STRN: variants seen among roughly 807,000 people sequenced by gnomAD.
The protein encoded by STRN is protein phosphatase 2 regulatory subunit B'''alpha.
Under a neutral mutation model 96.3 loss-of-function variants are expected in STRN, and 53 were observed. The observed-to-expected ratio is 0.55, with a 90% CI of 0.44 to 0.69. The LOEUF is 0.69. STRN is among the 30% of genes least tolerant of loss of function. The probability of loss-of-function intolerance (pLI) is 0.00; values close to 1 mark genes in which losing one functional copy is unlikely to be tolerated. For missense variants in STRN, 987 were observed against 963.9 expected (o/e 1.02, Z -0.32); for synonymous variants, 428 against 355.9 (o/e 1.20, Z -2.28).
intron 1 of STRN, among the ~76,000 whole-genome samples, chr2:36,945,317 A>G (rs1356566253): frequency 6.6e-6 from 1 of 152,186 alleles, no homozygotes; most frequent in Non-Finnish European, 1.5e-5. Context: ...GGAGAACTTA[A>G]TTCTCTGTAC....
At chr2:36,891,404 T>C (rs1003424212) in intron 7 of STRN, among the ~76,000 whole-genome samples, 3 of 152,126 alleles carry the variant, frequency 2.0e-5, no homozygotes, top group Non-Finnish European at 2.9e-5. Context: ...CAGGCGCCTG[T>C]AATCCCAGCT....
chr2:36,961,235 T>C (rs1665023880), intron 1 of STRN, among the ~76,000 whole-genome samples: 1 of 143,112 alleles, frequency 7.0e-6, no homozygotes, highest in Admixed American at 7.3e-5. Flanking sequence ...CAAGCAATCC[T>C]CCCACCTCAG....
chr2:36,869,775 T>C lies in STRN; in HGVS notation c.1324-46A>G, dbSNP rs145385488. ...AGATATCTACACACTTAGTTAAGGA[T>C]AGGGGAAAAAACTTGCATTTCAACA... On this transcript the variant is annotated intron_variant, in intron 10 of 17. Coordinates refer to ENST00000263918, the MANE Select transcript of STRN (RefSeq NM_003162.4). 1.2e-3 allele frequency: 1,624 copies of C among 1,409,954 alleles called. 13 individuals are homozygous for C. In the African/African-American group the frequency reaches 0.019, roughly 16 times the overall value. 87.3% of individuals were successfully genotyped at this position (1,409,954 alleles called of 1,614,324 possible). A position where few individuals can be genotyped will look rare whatever the true frequency, so the allele number is the denominator to read the frequency against.
chr2:36,843,158 C>G lies in STRN; in HGVS notation c.*6298G>C, dbSNP rs1362634576. On this transcript the variant is annotated 3_prime_UTR_variant, in exon 18 of 18. Coordinates refer to ENST00000263918, the MANE Select transcript of STRN (RefSeq NM_003162.4). ...AAAGATAAAAGAGGTGTTTCCAACA[C>G]TACTGAAAATGTGTGTACATACCAA... is the stretch of plus-strand genomic sequence containing the variant. 6.6e-6 allele frequency among the ~76,000 whole-genome samples: 1 copy of G among 152,142 alleles called. No individual in the cohort carries two copies. Among genetic ancestry groups the G allele is most frequent in the Non-Finnish European group, 1.5e-5 (1 of 68,030 alleles).
intron 1 of STRN, among the ~76,000 whole-genome samples, chr2:36,935,005 G>A (rs1670667490): frequency 6.6e-6 from 1 of 152,188 alleles, no homozygotes. Flanking sequence ...TTGAATTTGG[G>A]AGGCAGAGGT....
In STRN at chr2:36,862,724, T is replaced by C. The variant is rs948736914; in HGVS notation, c.1548-1471A>G. 4.0e-5 allele frequency among the ~76,000 whole-genome samples: 6 copies of C among 151,614 alleles called. No individual in the cohort carries two copies. In the East Asian group the frequency reaches 1.2e-3, roughly 29 times the overall value. ...TTCACGTCCTTTGCCCACTTTTTAA[T>C]GGGGTTGTTTTTATTCTTTTTTTTT... On this transcript the variant is annotated intron_variant, in intron 12 of 17. Transcript: ENST00000263918.
chr2:36,859,732 G>C (rs1668430348), intron 13 of STRN, among the ~76,000 whole-genome samples: 1 of 152,104 alleles, frequency 6.6e-6, no homozygotes, highest in South Asian at 2.1e-4. Context: ...GAAGGACAGG[G>C]AACAGAAATT....
chr2:36,893,149 T>C (rs1473607598), intron 7 of STRN, among the ~76,000 whole-genome samples: 1 of 152,086 alleles, frequency 6.6e-6, no homozygotes, highest in Non-Finnish European at 1.5e-5. Context: ...AGCATAAACA[T>C]AGCAGATCCT....
intron 7 of STRN, among the ~76,000 whole-genome samples, chr2:36,888,768 C>T (rs974777167): frequency 1.6e-4 from 25 of 152,104 alleles, no homozygotes; most frequent in African/African-American, 5.5e-4. Flanking sequence ...GCAGCCTTGA[C>T]CTCCTGGGCT....
In STRN at chr2:36,966,344, C is replaced by T. The variant is rs1183387253; in HGVS notation, c.120G>A (p.Ala40=). 4.0e-6 allele frequency: 6 copies of T among 1,483,350 alleles called. No homozygotes were observed. The highest frequency in any genetic ancestry group is 4.5e-6 in the Non-Finnish European group (5 of 1,118,586). The allele number at this position is 1,483,350 out of a possible 1,614,324, so 91.9% of individuals were successfully genotyped here. A position where few individuals can be genotyped will look rare whatever the true frequency, so the allele number is the denominator to read the frequency against. ...GACTGTACTGGGCTCGGGCCGCCCCCGCCGCAGCCGCCCCGTCGCCGGCCG... is the reference window on the plus strand; with the variant it reads ...GACTGTACTGGGCTCGGGCCGCCCCTGCCGCAGCCGCCCCGTCGCCGGCCG... The part of the protein sequence containing the change: ...AAAAGDGAAA[A]GAARAQYSLP... Residue 40 remains alanine, a synonymous_variant, in exon 1 of 18, where the codon GCG becomes GCA. Coordinates refer to ENST00000263918, the MANE Select transcript of STRN (RefSeq NM_003162.4).
At chr2:36,960,714 G>C (rs1220144268) in intron 1 of STRN, among the ~76,000 whole-genome samples, 1 of 152,030 alleles carries the variant, frequency 6.6e-6, no homozygotes, top group Non-Finnish European at 1.5e-5. Flanking sequence ...TTTAAAGCAA[G>C]AATTTTAAAC....
chr2:36,906,991 C>T (rs1291373231), intron 3 of STRN, among the ~76,000 whole-genome samples: 2 of 151,986 alleles, frequency 1.3e-5, no homozygotes, highest in Non-Finnish European at 2.9e-5. Flanking sequence ...ATGAAAACCT[C>T]CTAAGCATTT....
chr2:36,939,340 T>TCATA (rs780493477), intron 1 of STRN, among the ~76,000 whole-genome samples: 7 of 152,166 alleles, frequency 4.6e-5, no homozygotes, highest in Non-Finnish European at 8.8e-5. Flanking sequence ...ACCTGATACA[T>TCATA]CATACACCAT....
intron 2 of STRN, among the ~76,000 whole-genome samples, chr2:36,923,169 G>A (rs1670306828): frequency 6.7e-6 from 1 of 149,886 alleles, no homozygotes; most frequent in African/African-American, 2.5e-5. Context: ...CAAATACTCG[G>A]CCAGGTACAT....
At position 36,884,060 on chromosome 2, in the gene STRN, T is replaced by C. The variant is rs749259750; in HGVS notation, c.1058A>G (p.Lys353Arg). The change falls in exon 9 of 18, where the codon AAA (lysine) becomes AGA (arginine). Residue 353 changes from lysine (K) to arginine (R), a missense_variant. By Grantham distance (26) the Lys-to-Arg change is conservative. Transcript: ENST00000263918. ...CAAATTAGCAAGCATATCTTGTAGTTTTGACCTATTGGGCCCTAGCCAAAA... is the reference window on the plus strand; with the variant it reads ...CAAATTAGCAAGCATATCTTGTAGTCTTGACCTATTGGGCCCTAGCCAAAA... ...KKGVKRPNRS[K>R]LQDMLANLRD... 7.3e-7 allele frequency: 1 copy of C among 1,373,880 alleles called. No individual in the cohort carries two copies. The allele number at this position is 1,373,880 out of a possible 1,614,324, so 85.1% of individuals were successfully genotyped here. A position where few individuals can be genotyped will look rare whatever the true frequency, so the allele number is the denominator to read the frequency against.
chr2:36,892,389 A>G (rs1669423809), intron 7 of STRN, among the ~76,000 whole-genome samples: 1 of 152,226 alleles, frequency 6.6e-6, no homozygotes, highest in African/African-American at 2.4e-5. Flanking sequence ...CCCAAGTAAC[A>G]AACCTGCAAA....
chr2:36,865,299 T>C (rs1668592952), intron 12 of STRN, among the ~76,000 whole-genome samples: 1 of 152,226 alleles, frequency 6.6e-6, no homozygotes, highest in African/African-American at 2.4e-5. Flanking sequence ...GGTTTTTGTA[T>C]TTCTGTGGGG....
intron 1 of STRN, among the ~76,000 whole-genome samples, chr2:36,937,673 T>TA (rs1670739973): frequency 7.1e-6 from 1 of 140,820 alleles, no homozygotes; most frequent in Admixed American, 7.2e-5. Flanking sequence ...AATCTTGCCT[T>TA]AAAAAAGAAA....
Position 36,916,171 on chromosome 2 carries a change from A to C in STRN, c.339-20T>G. On this transcript the variant is annotated intron_variant, in intron 2 of 17. Coordinates refer to ENST00000263918, the MANE Select transcript of STRN (RefSeq NM_003162.4). ...TTGGCTCTAACAAAGAAATGAGAAA[A>C]TACAGACCATCTTAAAATATGTTTA... 6.3e-7 allele frequency: 1 copy of C among 1,586,602 alleles called. No homozygotes were observed. Among genetic ancestry groups the C allele is most frequent in the Non-Finnish European group, 8.7e-7 (1 of 1,155,988 alleles).
Sources: gnomAD v4.1 joint callset for allele counts (sites outside exome capture counted in the v4.1 genomes callset) on GRCh38, gnomAD v4.1.1 for gene constraint, MANE v1.5 for transcripts, NCBI Gene and HGNC (gene_info 2026-07-23, HGNC 2026-07-21) for gene names.